The following TEX14 variants were observed in gnomAD, a reference collection of about 807,000 sequenced individuals.
The protein encoded by TEX14 is inactive serine/threonine-protein kinase TEX14.
TEX14 carries 168 observed loss-of-function variants against 178.6 expected under a neutral mutation model. The ratio of observed to expected loss-of-function variants is 0.94; its 90% CI spans 0.83 to 1.07. TEX14 has a LOEUF of 1.07. Ranked by LOEUF, TEX14 falls within the 50% of genes least tolerant of loss-of-function variation. The pLI, the probability that TEX14 is intolerant of heterozygous loss-of-function variation, is 0.00. For missense variants in TEX14, 1,730 were observed against 1,753.6 expected, an observed-to-expected ratio of 0.99 and a Z score of 0.24; for synonymous variants, 626 against 634.1, an observed-to-expected ratio of 0.99 and a Z score of 0.19.
At chr17:58,611,628 T>C (rs755663226) in intron 9 of TEX14, among the ~76,000 whole-genome samples, 4 of 152,206 alleles carry the variant, frequency 2.6e-5, no homozygotes, top group Non-Finnish European at 4.4e-5. Context: ...CAGGATTGGC[T>C]TGGGGAAAAC....
intron 27 of TEX14, 89 bp from the exon 28 acceptor site, chr17:58,565,057 A>G: frequency 1.3e-6 from 1 of 759,002 alleles, no homozygotes; most frequent in Non-Finnish European, 2.2e-6. Flanking sequence ...ATTAAGGCCA[A>G]TCAGTGGTCC....
intron 23 of TEX14, 127 bp from the exon 24 acceptor site, chr17:58,572,253 AAAACAAACAAACAAAC>A: frequency 1.7e-6 from 1 of 588,652 alleles, no homozygotes; most frequent in Non-Finnish European, 3.0e-6. Context: ...TTACATTATT[AAAACAAACAAACAAAC>A]AAACAAACAA....
intron 2 of TEX14, among the ~76,000 whole-genome samples, chr17:58,639,427 G>A (rs567650285): frequency 2.5e-4 from 38 of 152,092 alleles, no homozygotes; most frequent in East Asian, 9.8e-4. Context: ...TTGGCCGGGC[G>A]CGGTGGCTCA....
intron 1 of TEX14, chr17:58,660,937 T>G (rs2047096169): frequency 6.0e-6 from 6 of 999,962 alleles, no homozygotes; most frequent in Middle Eastern, 2.1e-4. Flanking sequence ...AGTCTTTCTC[T>G]CCCAGGATCT....
rs2044474824 is a variant in TEX14, at chr17:58,569,521, C to T, written c.3818-261G>A. On this transcript the variant is annotated intron_variant, in intron 25 of 31. Coordinates refer to ENST00000349033, the MANE Select transcript of TEX14 (RefSeq NM_031272.5). The surrounding 1 kb of genome is among the most constrained non-coding windows in gnomAD (Gnocchi z 4.1). ...GGTACTGCTTGATCTATGCCCCTCC[C>T]TTCCTAAGGATATTTGGAGGAGGTA... 6.6e-6 allele frequency among the ~76,000 whole-genome samples: 1 copy of T among 152,170 alleles called. No individual in the cohort carries two copies. The highest frequency in any genetic ancestry group is 6.5e-5 in the Admixed American group (1 of 15,270).
intron 14 of TEX14, 60 bp from the exon 15 acceptor site, chr17:58,593,721 G>A: frequency 7.4e-7 from 1 of 1,354,876 alleles, no homozygotes; most frequent in Non-Finnish European, 1.1e-6. Context: ...TCTCTTCACT[G>A]TCACACTATT....
chr17:58,663,974 G>A (rs2047163678), intron 1 of TEX14, among the ~76,000 whole-genome samples: 1 of 152,076 alleles, frequency 6.6e-6, no homozygotes, highest in African/African-American at 2.4e-5. Flanking sequence ...GTTTGGGAAG[G>A]TGGAGGCTGT....
At chr17:58,631,814 A>C (rs77620896) in intron 2 of TEX14, 1 of 151,836 alleles carries the variant, frequency 6.6e-6, no homozygotes. Context: ...CACTATAGAA[A>C]TTATCCCTCA....
Position 58,557,792 on chromosome 17 carries a change from T to C in TEX14, c.4319+7A>G. The C allele has an allele frequency of 1.2e-6, 2 of 1,608,868 alleles. No homozygotes were observed. The highest frequency in any genetic ancestry group is 1.7e-6 in the Non-Finnish European group (2 of 1,176,772). ...TTTTGATCTACAAACATCTGATATTTCATTACCTGGATGATTCGGACCAAC... is the reference window on the plus strand; with the variant it reads ...TTTTGATCTACAAACATCTGATATTCCATTACCTGGATGATTCGGACCAAC... On this transcript the variant is annotated splice_region_variant and intron_variant, in intron 31 of 31. Coordinates refer to ENST00000349033, the MANE Select transcript of TEX14 (RefSeq NM_031272.5).
chr17:58,650,250 A>G (rs190267860), intron 2 of TEX14, among the ~76,000 whole-genome samples: 3 of 150,592 alleles, frequency 2.0e-5, no homozygotes, highest in East Asian at 4.0e-4. Context: ...ACGGGGTTTC[A>G]CCATGTTGGC....
At chr17:58,598,317 A>G (rs568198687) in intron 14 of TEX14, among the ~76,000 whole-genome samples, 3 of 144,684 alleles carry the variant, frequency 2.1e-5, no homozygotes, top group Admixed American at 6.9e-5. Flanking sequence ...TCTGTCTCCA[A>G]AAAAAAAAAA....
Position 58,561,588 on chromosome 17 carries a change from G to A in TEX14, c.4089C>T (p.Asp1363=), listed in dbSNP as rs780272588. 5.2e-5 allele frequency: 84 copies of A among 1,613,642 alleles called. No individual in the cohort carries two copies. The highest frequency in any genetic ancestry group is 6.5e-5 in the Non-Finnish European group (77 of 1,179,658). ...TERAHSTLDE[D]LERWLQPPEE... ...CAGGTGGCTGCAGCCATCTTTCCAG[G>A]TCCTCATCCAGAGTAGAGTGAGCTC... is the stretch of plus-strand genomic sequence containing the variant. Residue 1363 remains aspartate (D), a synonymous_variant, in exon 29 of 32, where the codon GAC becomes GAT. Coordinates refer to ENST00000349033, the MANE Select transcript of TEX14 (RefSeq NM_031272.5).
At chr17:58,616,428 T>C (rs1261124050) in intron 6 of TEX14, 123 bp from the exon 7 acceptor site, 2 of 1,241,640 alleles carry the variant, frequency 1.6e-6, no homozygotes, top group African/African-American at 1.7e-5. Context: ...AATACCCCTA[T>C]GCACTGGGCC....
At chr17:58,616,438 C>CTTTTT in intron 6 of TEX14, 133 bp from the exon 7 acceptor site, 4 of 800,744 alleles carry the variant, frequency 5.0e-6, no homozygotes, top group Admixed American at 3.4e-5. Flanking sequence ...TGCACTGGGC[C>CTTTTT]TTTTTTTTTT....
At chr17:58,593,107 A>C (rs2045196962) in intron 15 of TEX14, among the ~76,000 whole-genome samples, 1 of 152,148 alleles carries the variant, frequency 6.6e-6, no homozygotes, top group African/African-American at 2.4e-5. Context: ...GCTAAAGTCA[A>C]TTCATTTCAT....
chr17:58,657,116 T>C (rs1005521450), intron 1 of TEX14, among the ~76,000 whole-genome samples: 2 of 151,710 alleles, frequency 1.3e-5, no homozygotes, highest in African/African-American at 4.8e-5. Context: ...CCAAATCTGG[T>C]TTTATTTTTA....
chr17:58,643,991 T>C (rs893357998), intron 2 of TEX14, among the ~76,000 whole-genome samples: 2 of 148,898 alleles, frequency 1.3e-5, no homozygotes, highest in Non-Finnish European at 3.0e-5. Flanking sequence ...GAGCAGCCAT[T>C]TGAAAATGCA....
At chr17:58,568,607 A>G (rs1219445578) in intron 26 of TEX14, among the ~76,000 whole-genome samples, 1 of 152,206 alleles carries the variant, frequency 6.6e-6, no homozygotes, top group Non-Finnish European at 1.5e-5. Flanking sequence ...TTCCATAACA[A>G]TGTAACATTT....
chr17:58,586,507 T>A (rs1201260090), intron 17 of TEX14, among the ~76,000 whole-genome samples: 1 of 152,234 alleles, frequency 6.6e-6, no homozygotes, highest in Non-Finnish European at 1.5e-5. Flanking sequence ...ATGTTTTCAT[T>A]TCAAATGTTG....
Sources: allele counts gnomAD v4.1 joint callset (sites outside exome capture counted in the v4.1 genomes callset), GRCh38; gene constraint gnomAD v4.1.1; non-coding constraint Gnocchi (gnomAD v3.1); transcripts MANE v1.5; gene names NCBI Gene and HGNC (gene_info 2026-07-23, HGNC 2026-07-21).